Variants in RAB8B observed in about 807,000 individuals in gnomAD.
RAB8B encodes the protein RAB8B, member RAS oncogene family, also known as ras-related protein Rab-8B.
In RAB8B, 11 loss-of-function variants were observed where a neutral mutation model predicts 32.0. The ratio of observed to expected loss-of-function variants is 0.34; its 90% CI spans 0.22 to 0.57. RAB8B has a LOEUF of 0.57. Among genes scored for constraint, RAB8B ranks in the 20% least tolerant of loss-of-function variants. The pLI, the probability that RAB8B is intolerant of heterozygous loss-of-function variation, is 0.86. For synonymous variants in RAB8B, 103 were observed against 89.6 expected, an observed-to-expected ratio of 1.15 and a Z score of -0.85; for missense variants, 190 against 258.5, an observed-to-expected ratio of 0.73 and a Z score of 1.82.
At chr15:63,205,359 G>A (rs570935766) in intron 1 of RAB8B, among the ~76,000 whole-genome samples, 137 of 152,062 alleles carry the variant, frequency 9.0e-4, no homozygotes, top group African/African-American at 3.3e-3. Context: ...AATTAGCCAG[G>A]TGTGATCATG....
In RAB8B at chr15:63,266,780, G is replaced by A. The variant is rs1323003342; in HGVS notation, c.*3161G>A. On this transcript the variant is annotated 3_prime_UTR_variant, in exon 8 of 8. Transcript: ENST00000321437. ...GCGTTTTTGCAGAAGTTTCTAGTAA[G>A]AGATTATAACTCCATTTTACAGGTT... The A allele has an allele frequency of 6.6e-6, 1 of 152,552 alleles. No individual in the cohort carries two copies. The highest frequency in any genetic ancestry group is 2.4e-5 in the African/African-American group (1 of 41,452). 9.4% of individuals were successfully genotyped at this position (152,552 alleles called of 1,614,324 possible).
rs745421222 is a variant in RAB8B, at chr15:63,204,994, CA to C, written c.124+15257del. On this transcript the variant is annotated intron_variant, in intron 1 of 7. Transcript: ENST00000321437. ...GCAGCATAGGGAGACCTCATCTCTA[CA>C]AAAAAAAAAATAAGAAAATTGGCTG... 7.8e-4 allele frequency among the ~76,000 whole-genome samples: 113 copies of C among 144,700 alleles called. 2 individuals carry two copies. The highest frequency in any genetic ancestry group is 3.3e-3 in the South Asian group (15 of 4,604). 94.9% of individuals were successfully genotyped at this position (144,700 alleles called of 152,430 possible). A position where few individuals can be genotyped will look rare whatever the true frequency, so the allele number is the denominator to read the frequency against.
intron 1 of RAB8B, among the ~76,000 whole-genome samples, chr15:63,193,156 G>T (rs1188385861): frequency 6.6e-6 from 1 of 152,128 alleles, no homozygotes; most frequent in Non-Finnish European, 1.5e-5. Context: ...GAGCCCAGGA[G>T]TTCAAGGTTA....
intron 1 of RAB8B, among the ~76,000 whole-genome samples, chr15:63,206,100 G>A (rs1366738065): frequency 2.0e-5 from 3 of 152,202 alleles, no homozygotes; most frequent in Non-Finnish European, 4.4e-5. Context: ...GGTCCCTGCA[G>A]TAGTGATATC....
chr15:63,229,356 G>A (rs1299999265), intron 1 of RAB8B, among the ~76,000 whole-genome samples: 6 of 152,136 alleles, frequency 3.9e-5, no homozygotes, highest in African/African-American at 4.8e-5. Flanking sequence ...ATGAGTCTTC[G>A]GTATCTTATG....
chr15:63,199,448 G>A (rs1255269267), intron 1 of RAB8B, among the ~76,000 whole-genome samples: 3 of 152,176 alleles, frequency 2.0e-5, no homozygotes, highest in African/African-American at 4.8e-5. Context: ...ACAAATTTGA[G>A]TTGTTGCATT....
At chr15:63,207,758 G>A (rs2037710976) in intron 1 of RAB8B, among the ~76,000 whole-genome samples, 1 of 152,008 alleles carries the variant, frequency 6.6e-6, no homozygotes, top group African/African-American at 2.4e-5. Context: ...TAGAGACGGG[G>A]TTTCACCATG....
At chr15:63,195,693 C>T (rs1053808146) in intron 1 of RAB8B, among the ~76,000 whole-genome samples, 1 of 152,248 alleles carries the variant, frequency 6.6e-6, no homozygotes, top group African/African-American at 2.4e-5. Flanking sequence ...GTCTGCCTGT[C>T]TTCACCCAGC....
chr15:63,228,980 A>G (rs535484347), intron 1 of RAB8B, among the ~76,000 whole-genome samples: 44 of 152,230 alleles, frequency 2.9e-4, no homozygotes, highest in Non-Finnish European at 5.1e-4. Context: ...ATTGTTTTAC[A>G]TGTTGCTTTC....
chr15:63,201,824 C>T (rs1433266855), intron 1 of RAB8B, among the ~76,000 whole-genome samples: 2 of 152,178 alleles, frequency 1.3e-5, no homozygotes, highest in East Asian at 3.9e-4. Context: ...GGGGCCAACA[C>T]GTGAGCCTCG....
rs116983738 is a variant in RAB8B at position 63,248,094 on chromosome 15, C to A, written c.186-1551C>A. On this transcript the variant is annotated intron_variant, in intron 2 of 7. Coordinates refer to ENST00000321437, the MANE Select transcript of RAB8B (RefSeq NM_016530.3). This position sits in a 1 kb window ranked among gnomAD's most constrained non-coding sequence, Gnocchi z 4.4. The stretch of plus-strand genomic sequence containing the variant: ...CTTCCATTTCCCCATGATTTGTTAG[C>A]GGTGCAGCAAACAAGTGCCCCATGC... Among the ~76,000 whole-genome samples, 1 of 152,182 alleles carries A rather than the reference C, an allele frequency of 6.6e-6. No individual in the cohort carries two copies. The highest frequency in any genetic ancestry group is 1.5e-5 in the Non-Finnish European group (1 of 68,032).
At position 63,219,004 on chromosome 15, in the gene RAB8B, A is replaced by ATTTTTTTTTTT. The variant is rs71131152; in HGVS notation, c.125-25733_125-25723dup. On this transcript the variant is annotated intron_variant, in intron 1 of 7. Coordinates refer to ENST00000321437, the MANE Select transcript of RAB8B (RefSeq NM_016530.3). ...AAATGATCTTTTCTTCCAGCAGTGG[A>ATTTTTTTTTTT]TTTTTTTTTTTTTTTTTTTTTTTTT... is the stretch of plus-strand genomic sequence containing the variant. Among the ~76,000 whole-genome samples the ATTTTTTTTTTT allele has an allele frequency of 7.4e-5, 7 of 94,664 alleles. 2 individuals carry two copies. The highest frequency in any genetic ancestry group is 9.9e-5 in the Non-Finnish European group (5 of 50,508). 62.1% of individuals were successfully genotyped at this position (94,664 alleles called of 152,430 possible).
At position 63,263,518 on chromosome 15, in the gene RAB8B, A is replaced by G. The variant is rs1235739693; in HGVS notation, c.532-9A>G. On this transcript the variant is annotated splice_polypyrimidine_tract_variant and intron_variant, in intron 7 of 7. Transcript: ENST00000321437. The stretch of plus-strand genomic sequence containing the variant: ...TATTTCCTTGGTAACTTCATCTTCT[A>G]TTTTTTAGAATGACAGCAATTCAGC... The G allele has an allele frequency of 5.1e-6, 8 of 1,573,314 alleles. No individual in the cohort carries two copies. The highest frequency in any genetic ancestry group is 1.7e-5 in the Admixed American group (1 of 58,930).
intron 1 of RAB8B, among the ~76,000 whole-genome samples, chr15:63,208,558 A>G (rs1285424227): frequency 6.6e-6 from 1 of 152,060 alleles, no homozygotes; most frequent in East Asian, 1.9e-4. Flanking sequence ...CACTACCACC[A>G]CCTTTTATTC....
At chr15:63,251,299 A>G (rs2038115073) in intron 3 of RAB8B, 5 of 455,930 alleles carry the variant, frequency 1.1e-5, no homozygotes, top group African/African-American at 2.0e-5. Context: ...AATTTTAGGG[A>G]TAAAAAGAAC....
intron 1 of RAB8B, among the ~76,000 whole-genome samples, chr15:63,234,503 G>C (rs1383572512): frequency 6.6e-6 from 1 of 152,184 alleles, no homozygotes; most frequent in African/African-American, 2.4e-5. Context: ...TTCCCTGTTA[G>C]ATCTGTTAAC....
At chr15:63,204,455 C>T (rs868015389) in intron 1 of RAB8B, among the ~76,000 whole-genome samples, 1 of 152,056 alleles carries the variant, frequency 6.6e-6, no homozygotes, top group Non-Finnish European at 1.5e-5. Context: ...CAAAAAACAG[C>T]GTAGAACACC....
chr15:63,235,498 A>G (rs1010755950), intron 1 of RAB8B, among the ~76,000 whole-genome samples: 2 of 152,110 alleles, frequency 1.3e-5, no homozygotes, highest in Non-Finnish European at 2.9e-5. Context: ...TCTCATGTCC[A>G]TGTACCCACC....
chr15:63,214,947 C>G (rs2037779652), intron 1 of RAB8B, among the ~76,000 whole-genome samples: 1 of 152,178 alleles, frequency 6.6e-6, no homozygotes, highest in South Asian at 2.1e-4. Flanking sequence ...AGCTCTCTGT[C>G]CTCAGACCTT....
Sources: gnomAD v4.1 joint callset for allele counts (sites outside exome capture counted in the v4.1 genomes callset) on GRCh38, gnomAD v4.1.1 for gene constraint, Gnocchi (gnomAD v3.1) non-coding constraint, MANE v1.5 for transcripts, NCBI Gene and HGNC (gene_info 2026-07-23, HGNC 2026-07-21) for gene names.